The following ST6GALNAC3 variants were observed in gnomAD, a reference collection of about 807,000 sequenced individuals.
ST6GALNAC3 encodes the protein ST6 N-acetylgalactosaminide alpha-2,6-sialyltransferase 3, also known as alpha-N-acetylgalactosaminide alpha-2,6-sialyltransferase 3.
In ST6GALNAC3, 25 loss-of-function variants were observed where a neutral mutation model predicts 32.7. The ratio of observed to expected loss-of-function variants is 0.76; its 90% CI spans 0.56 to 1.07. The LOEUF is 1.07. ST6GALNAC3 is among the 50% of genes least tolerant of loss of function. ST6GALNAC3 has a pLI of 0.00. For missense variants in ST6GALNAC3, 355 were observed against 382.4 expected, an observed-to-expected ratio of 0.93 and a Z score of 0.60; for synonymous variants, 129 against 133.1, an observed-to-expected ratio of 0.97 and a Z score of 0.21.
intron 1 of ST6GALNAC3, among the ~76,000 whole-genome samples, chr1:76,293,840 CA>C (rs1660233994): frequency 1.3e-5 from 2 of 151,976 alleles, no homozygotes; most frequent in African/African-American, 4.8e-5. Context: ...AGAACTGGTA[CA>C]TTATAAGTAG....
At chr1:76,545,683 T>C (rs532583094) in intron 3 of ST6GALNAC3, among the ~76,000 whole-genome samples, 2 of 150,360 alleles carry the variant, frequency 1.3e-5, no homozygotes, top group South Asian at 4.3e-4. Flanking sequence ...TGAGACGGAG[T>C]TTCACTCTTG....
intron 3 of ST6GALNAC3, among the ~76,000 whole-genome samples, chr1:76,598,817 G>A (rs1647177009): frequency 6.6e-6 from 1 of 151,958 alleles, no homozygotes; most frequent in Non-Finnish European, 1.5e-5. Context: ...ACTGATTAGG[G>A]CATTTCTTCA....
At chr1:76,317,235 A>G (rs1007372801) in intron 2 of ST6GALNAC3, among the ~76,000 whole-genome samples, 1 of 152,056 alleles carries the variant, frequency 6.6e-6, no homozygotes, top group Non-Finnish European at 1.5e-5. Context: ...CCCTACCACC[A>G]TGTCTGTGCC....
intron 2 of ST6GALNAC3, among the ~76,000 whole-genome samples, chr1:76,330,143 A>G (rs1379047764): frequency 6.6e-6 from 1 of 151,128 alleles, no homozygotes; most frequent in African/African-American, 2.4e-5. Context: ...AAATAAACAC[A>G]GGAGGGTTAA....
chr1:76,155,443 A>G (rs984106859), intron 1 of ST6GALNAC3, among the ~76,000 whole-genome samples: 4 of 152,096 alleles, frequency 2.6e-5, no homozygotes, highest in Middle Eastern at 3.2e-3. Context: ...ATATAGCAAG[A>G]GTTCCCCCAC....
chr1:76,555,259 C>A (rs182121567), intron 3 of ST6GALNAC3, among the ~76,000 whole-genome samples: 1 of 152,234 alleles, frequency 6.6e-6, no homozygotes, highest in Non-Finnish European at 1.5e-5. Context: ...AGATAAAACA[C>A]ACACACAAGA....
intron 2 of ST6GALNAC3, among the ~76,000 whole-genome samples, chr1:76,332,239 C>T (rs2100963180): frequency 6.6e-6 from 1 of 152,284 alleles, no homozygotes; most frequent in East Asian, 1.9e-4. Flanking sequence ...GAATGTTCTT[C>T]TGGGGGTTTC....
intron 3 of ST6GALNAC3, among the ~76,000 whole-genome samples, chr1:76,579,631 C>T (rs1316616390): frequency 6.6e-6 from 1 of 151,578 alleles, no homozygotes; most frequent in Non-Finnish European, 1.5e-5. Flanking sequence ...TTTTTTTCTT[C>T]TTGCAGTTCA....
At chr1:76,570,898 G>A (rs980513763) in intron 3 of ST6GALNAC3, among the ~76,000 whole-genome samples, 1 of 151,912 alleles carries the variant, frequency 6.6e-6, no homozygotes, top group African/African-American at 2.4e-5. Context: ...CCACTTCTTT[G>A]TTCATATTCC....
chr1:76,120,712 G>C (rs12408886), intron 1 of ST6GALNAC3, among the ~76,000 whole-genome samples: 14,804 of 152,144 alleles, frequency 0.097, 2,068 homozygotes, highest in African/African-American at 0.3. Flanking sequence ...CTAAACAGAG[G>C]TCCCAACTCC....
intron 3 of ST6GALNAC3, among the ~76,000 whole-genome samples, chr1:76,528,651 T>G (rs1479723843): frequency 6.6e-6 from 1 of 151,938 alleles, no homozygotes; most frequent in Admixed American, 6.6e-5. Flanking sequence ...AGGATAGTGT[T>G]TGTTGCCCTT....
chr1:76,353,601 G>T (rs1180525811), intron 2 of ST6GALNAC3: 1 of 156,520 alleles, frequency 6.4e-6, no homozygotes, highest in South Asian at 1.9e-4. Flanking sequence ...TAGAACTGGG[G>T]ACCAGGCTGC....
chr1:76,606,485 T>C (rs1647555146), intron 3 of ST6GALNAC3, among the ~76,000 whole-genome samples: 2 of 152,028 alleles, frequency 1.3e-5, no homozygotes, highest in African/African-American at 4.8e-5. Context: ...AAATACCACA[T>C]GTTCTCACTT....
At chr1:76,454,490 C>A (rs573637804) in intron 3 of ST6GALNAC3, among the ~76,000 whole-genome samples, 3 of 152,236 alleles carry the variant, frequency 2.0e-5, no homozygotes, top group East Asian at 3.9e-4. Context: ...AGTACAAATT[C>A]TCTCAGCATT....
chr1:76,099,964 C>A (rs1052280317), intron 1 of ST6GALNAC3, among the ~76,000 whole-genome samples: 2 of 151,910 alleles, frequency 1.3e-5, no homozygotes. Context: ...AGAAATTTTT[C>A]ATATTTTTCA....
In ST6GALNAC3 at chr1:76,577,006, TC is replaced by T. The variant is rs1233625555; in HGVS notation, c.624-50445del. 1.2e-5 allele frequency: 15 copies of T among 1,219,248 alleles called. No homozygotes were observed. The East Asian group carries it at 5.1e-4, about 42-fold the overall frequency. The allele number at this position is 1,219,248 out of a possible 1,614,324, so 75.5% of individuals were successfully genotyped here. ...CAAAACAAATACCCATGTCAGTGGTTCAAAGATTAAGATTGTGGCTTTGTGT... is the reference window on the plus strand; with the variant it reads ...CAAAACAAATACCCATGTCAGTGGTTAAAGATTAAGATTGTGGCTTTGTGT... On this transcript the variant is annotated intron_variant, in intron 3 of 4. Transcript: ENST00000328299.
rs554263171 is a variant in ST6GALNAC3, at chr1:76,108,263, C to A, written c.18+33379C>A. ...ACAAAGCAGTTACTGGTCTATGTGCCTCAAGATTCCTAAATCTCATTGAGC... is the reference window on the plus strand; with the variant it reads ...ACAAAGCAGTTACTGGTCTATGTGCATCAAGATTCCTAAATCTCATTGAGC... On this transcript the variant is annotated intron_variant, in intron 1 of 4. Transcript: ENST00000328299. Among the ~76,000 whole-genome samples, 5 of 152,294 alleles carry A rather than the reference C, an allele frequency of 3.3e-5. 1 individual carries two copies. The East Asian group carries it at 9.7e-4, about 29-fold the overall frequency.
At chr1:76,314,490 G>A (rs142334551) in intron 2 of ST6GALNAC3, among the ~76,000 whole-genome samples, 2 of 152,228 alleles carry the variant, frequency 1.3e-5, no homozygotes, top group Non-Finnish European at 2.9e-5. Context: ...GGGATTTAAA[G>A]AGTTTTCAAA....
chr1:76,513,891 T>G (rs553445519), intron 3 of ST6GALNAC3, among the ~76,000 whole-genome samples: 1 of 152,298 alleles, frequency 6.6e-6, no homozygotes, highest in South Asian at 2.1e-4. Flanking sequence ...TTAAGTTTAT[T>G]CCTAGACATC....
Sources: allele counts gnomAD v4.1 joint callset (sites outside exome capture counted in the v4.1 genomes callset), GRCh38; gene constraint gnomAD v4.1.1; transcripts MANE v1.5; gene names NCBI Gene and HGNC (gene_info 2026-07-23, HGNC 2026-07-21).